Variants in UAP1 observed in about 807,000 individuals in gnomAD.
The protein encoded by UAP1 is UDP-N-acetylglucosamine pyrophosphorylase 1.
UAP1 carries 25 observed loss-of-function variants against 58.5 expected under a neutral mutation model. The observed-to-expected ratio is 0.43, with a 90% confidence interval of 0.31 to 0.60. The LOEUF is 0.60. Among genes scored for constraint, UAP1 ranks in the 20% least tolerant of loss-of-function variants. The probability of loss-of-function intolerance (pLI) is 0.11; values close to 1 mark genes in which losing one functional copy is unlikely to be tolerated. For synonymous variants in UAP1, 208 were observed against 213.0 expected (o/e 0.98, Z 0.21); for missense variants, 575 against 630.0 (o/e 0.91, Z 0.93).
rs551769431 is a variant in UAP1 at position 162,571,295 on chromosome 1, A to C, written c.280+4947A>C. Among the ~76,000 whole-genome samples, 63 of 151,846 alleles carry C rather than the reference A, an allele frequency of 4.1e-4. 1 individual carries two copies. In the East Asian group the frequency reaches 0.012, roughly 29 times the overall value. ...AGGCGCCTGCCACCACACCCAGCCA[A>C]TTTTTGTATTTTTAGTAGAGACGGG... On this transcript the variant is annotated intron_variant, in intron 2 of 10. Transcript: ENST00000271469.
chr1:162,590,563 C>G, intron 8 of UAP1, 52 bp downstream of exon 8: 1 of 1,462,046 alleles, frequency 6.8e-7, no homozygotes, highest in Non-Finnish European at 9.2e-7. Flanking sequence ...GACTTTTCCT[C>G]TTGGACTTCT....
chr1:162,579,479 C>G (rs992618025), exon 4 of UAP1: 3 of 1,608,566 alleles, frequency 1.9e-6, no homozygotes, highest in East Asian at 4.5e-5. Context: ...AGTTCTTCAC[C>G]AAGCACAAGT....
intron 8 of UAP1, 144 bp from the exon 9 acceptor site, chr1:162,592,588 T>G: frequency 1.6e-6 from 1 of 638,938 alleles, no homozygotes; most frequent in Non-Finnish European, 2.8e-6. Context: ...ATTTTTATTT[T>G]TTTACCCCCT....
chr1:162,596,974 A>G (rs1007623864), intron 9 of UAP1, among the ~76,000 whole-genome samples: 1 of 152,232 alleles, frequency 6.6e-6, no homozygotes, highest in South Asian at 2.1e-4. Context: ...CCTAGATGAA[A>G]CAAATAGGGA....
intron 2 of UAP1, among the ~76,000 whole-genome samples, 165 bp from the exon 3 acceptor site, chr1:162,576,610 CAG>C: frequency 6.6e-6 from 1 of 152,286 alleles, no homozygotes; most frequent in Non-Finnish European, 1.5e-5. Flanking sequence ...TGGTCCAAGC[CAG>C]ATTCTCCACC....
chr1:162,590,264 G>C, intron 7 of UAP1, 59 bp from the exon 8 acceptor site: 1 of 1,394,100 alleles, frequency 7.2e-7, no homozygotes, highest in African/African-American at 1.4e-5. Context: ...TATGTTAAAG[G>C]GTTAGAAGCT....
chr1:162,579,597 G>A (rs1342080084), exon 4 of UAP1: 5 of 1,578,772 alleles, frequency 3.2e-6, no homozygotes, highest in Non-Finnish European at 4.3e-6. Flanking sequence ...AGTTTCTATG[G>A]CTCCAGGTTT....
At position 162,592,776 on chromosome 1, in the gene UAP1, A is replaced by G. The variant is rs113556635; in HGVS notation, c.1403A>G (p.Asn468Ser). ...TCAGAGACCATCACAGCTGATGTCA[A>G]TCACAAGTAAATATACCAGCCTGCC... The change falls in exon 9 of 11, where the codon AAT becomes AGT. Residue 468 changes from asparagine to serine, a missense_variant. Asn to Ser is a conservative substitution (Grantham distance 46). Coordinates refer to ENST00000271469, the Ensembl canonical transcript of UAP1. 2,411 of 1,550,166 alleles carry G rather than the reference A, an allele frequency of 1.6e-3. 18 individuals carry two copies. In the African/African-American group the frequency reaches 0.029, roughly 19 times the overall value.
intron 4 of UAP1, among the ~76,000 whole-genome samples, chr1:162,580,300 AG>A (rs1479363038): frequency 6.6e-6 from 1 of 152,256 alleles, no homozygotes; most frequent in East Asian, 1.9e-4. Flanking sequence ...ATTCTTAAAT[AG>A]CATTAAAATA....
intron 10 of UAP1, 52 bp from the exon 11 acceptor site, chr1:162,599,219 G>T (rs1282902987): frequency 3.1e-6 from 4 of 1,273,208 alleles, no homozygotes; most frequent in Non-Finnish European, 4.6e-6. Flanking sequence ...GTCCAGCACT[G>T]CATGACAAGT....
chr1:162,594,532 G>A (rs1376306919), intron 9 of UAP1, among the ~76,000 whole-genome samples: 1 of 152,170 alleles, frequency 6.6e-6, no homozygotes, highest in East Asian at 1.9e-4. Flanking sequence ...ATAGATGACT[G>A]TTGTCTCTCC....
intron 5 of UAP1, among the ~76,000 whole-genome samples, chr1:162,583,433 G>A (rs1279710688): frequency 6.6e-6 from 1 of 151,802 alleles, no homozygotes; most frequent in Non-Finnish European, 1.5e-5. Flanking sequence ...GATTACAGGC[G>A]TGAGCCACCG....
chr1:162,579,507 G>C, exon 4 of UAP1: 1 of 1,611,976 alleles, frequency 6.2e-7, no homozygotes, highest in Admixed American at 1.7e-5. Flanking sequence ...TTTAAAAAAA[G>C]AGAATGTAAT....
chr1:162,584,384 T>G (rs1392150061), intron 5 of UAP1, among the ~76,000 whole-genome samples: 2 of 152,228 alleles, frequency 1.3e-5, no homozygotes, highest in Non-Finnish European at 2.9e-5. Flanking sequence ...CCTTTTAAAA[T>G]AAGAAAATCA....
At chr1:162,568,890 G>A (rs908583129) in intron 2 of UAP1, among the ~76,000 whole-genome samples, 3 of 152,182 alleles carry the variant, frequency 2.0e-5, no homozygotes, top group African/African-American at 7.2e-5. Context: ...TATAATTTGA[G>A]TCTTCTTTAT....
chr1:162,576,933 T>C, exon 3 of UAP1: 1 of 1,614,216 alleles, frequency 6.2e-7, no homozygotes, highest in Non-Finnish European at 8.5e-7. Context: ...ATCCTGAAGC[T>C]ACAGCAGGTT....
chr1:162,592,665 A>C (rs1655387315), intron 8 of UAP1, 67 bp from the exon 9 acceptor site: 2 of 1,234,704 alleles, frequency 1.6e-6, no homozygotes, highest in East Asian at 5.1e-5. Context: ...TATATTTTGC[A>C]ACTCCATTTC....
chr1:162,590,799 A>G (rs1655255582), intron 8 of UAP1, among the ~76,000 whole-genome samples: 1 of 151,844 alleles, frequency 6.6e-6, no homozygotes, highest in South Asian at 2.1e-4. Flanking sequence ...TAATGATCAG[A>G]AGATTTTTTT....
intron 9 of UAP1, among the ~76,000 whole-genome samples, chr1:162,594,446 T>C (rs1655504590): frequency 6.6e-6 from 1 of 152,184 alleles, no homozygotes; most frequent in Non-Finnish European, 1.5e-5. Flanking sequence ...ACTGCTCATC[T>C]CCTGGTGTGT....
Sources: allele counts gnomAD v4.1 joint callset (sites outside exome capture counted in the v4.1 genomes callset), GRCh38; gene constraint gnomAD v4.1.1; transcripts MANE v1.5; gene names NCBI Gene and HGNC (gene_info 2026-07-23, HGNC 2026-07-21).